ADGRL2: variants seen among roughly 807,000 people sequenced by gnomAD.
The protein encoded by ADGRL2 is adhesion G protein-coupled receptor L2.
ADGRL2 carries 44 observed loss-of-function variants against 157.4 expected under a neutral mutation model. The ratio of observed to expected loss-of-function variants is 0.28; its 90% CI spans 0.22 to 0.36. The LOEUF is 0.36. ADGRL2 is among the 10% of genes least tolerant of loss of function. The probability of loss-of-function intolerance (pLI) is 1.00; values close to 1 mark genes in which losing one functional copy is unlikely to be tolerated. For missense variants in ADGRL2, 1,510 were observed against 1,768.9 expected, an observed-to-expected ratio of 0.85 and a Z score of 2.63; for synonymous variants, 585 against 624.7, an observed-to-expected ratio of 0.94 and a Z score of 0.95.
chr1:81,319,181 A>C (rs1660325989), intron 1 of ADGRL2, among the ~76,000 whole-genome samples: 1 of 151,602 alleles, frequency 6.6e-6, no homozygotes, highest in Admixed American at 6.6e-5. Context: ...TCCCGACCTC[A>C]AGTGATCCAC....
chr1:81,416,863 C>G (rs1016674624), intron 1 of ADGRL2, among the ~76,000 whole-genome samples: 1 of 152,098 alleles, frequency 6.6e-6, no homozygotes. Flanking sequence ...TAAGAAGCAT[C>G]TTTGATTATG....
Position 81,981,029 on chromosome 1 carries a change from C to T in ADGRL2, c.3114-779C>T, listed in dbSNP as rs1479763625. ...TGCATTTTGACTTTCTTAATTTTGA[C>T]TAATTTATAAAATATATAAATGCTT... On this transcript the variant is annotated intron_variant, in intron 18 of 23. Transcript: ENST00000686636. The T allele has an allele frequency of 5.6e-5, 23 of 409,396 alleles. No homozygotes were observed. The East Asian group carries it at 8.8e-4, about 16-fold the overall frequency. The allele number at this position is 409,396 out of a possible 1,614,324, so 25.4% of individuals were successfully genotyped here.
At chr1:81,362,690 G>A (rs2076000074) in intron 1 of ADGRL2, among the ~76,000 whole-genome samples, 1 of 151,604 alleles carries the variant, frequency 6.6e-6, no homozygotes. Flanking sequence ...TTTTTTAACT[G>A]AAAAAAATGC....
chr1:81,497,340 T>C (rs910541377), intron 2 of ADGRL2, among the ~76,000 whole-genome samples: 1 of 152,158 alleles, frequency 6.6e-6, no homozygotes, highest in Non-Finnish European at 1.5e-5. Flanking sequence ...AACTTTTCAA[T>C]TTAGTGGACT....
chr1:81,797,172 A>C (rs1428878043), upstream of ADGRL2, among the ~76,000 whole-genome samples: 3 of 152,224 alleles, frequency 2.0e-5, no homozygotes, highest in Admixed American at 6.5e-5. Flanking sequence ...AATGATGAAG[A>C]AAATGGAACT....
intron 1 of ADGRL2, among the ~76,000 whole-genome samples, chr1:81,825,452 G>A (rs1339479171): frequency 6.6e-6 from 1 of 151,848 alleles, no homozygotes; most frequent in African/African-American, 2.4e-5. Flanking sequence ...AGGTTCAAGT[G>A]ATTCCCCTGC....
chr1:81,308,331 A>G (rs1448175908), intron 1 of ADGRL2, among the ~76,000 whole-genome samples: 2 of 152,148 alleles, frequency 1.3e-5, no homozygotes, highest in Non-Finnish European at 2.9e-5. Context: ...ATTACAGGGA[A>G]AGAAAAGGAT....
chr1:81,750,883 T>G (rs1285622198), intron 1 of ADGRL2, among the ~76,000 whole-genome samples: 3 of 152,176 alleles, frequency 2.0e-5, no homozygotes, highest in African/African-American at 7.2e-5. Flanking sequence ...TATGTGCATA[T>G]ATCTCCTTGG....
intron 1 of ADGRL2, among the ~76,000 whole-genome samples, chr1:81,442,697 A>T (rs1307920947): frequency 6.6e-6 from 1 of 152,212 alleles, no homozygotes; most frequent in Admixed American, 6.5e-5. Context: ...TTTGGACTGC[A>T]TCCAAGGACT....
intron 3 of ADGRL2, among the ~76,000 whole-genome samples, chr1:81,629,476 A>G (rs972724130): frequency 3.8e-4 from 58 of 152,178 alleles, no homozygotes; most frequent in African/African-American, 1.4e-3. Context: ...AAAAATGAAT[A>G]GAACAGATTA....
intron 2 of ADGRL2, among the ~76,000 whole-genome samples, chr1:81,453,286 A>T (rs1177366382): frequency 6.6e-6 from 1 of 152,216 alleles, no homozygotes; most frequent in African/African-American, 2.4e-5. Flanking sequence ...GCATAAACTA[A>T]TCATTGTTTC....
chr1:81,670,778 G>A (rs529619273), intron 3 of ADGRL2, among the ~76,000 whole-genome samples: 5 of 152,216 alleles, frequency 3.3e-5, no homozygotes, highest in African/African-American at 9.6e-5. Flanking sequence ...GCAATGGCAC[G>A]ATCTTGGGTC....
intron 3 of ADGRL2, among the ~76,000 whole-genome samples, chr1:81,589,276 T>C (rs1335811675): frequency 6.6e-6 from 1 of 152,140 alleles, no homozygotes; most frequent in Admixed American, 6.6e-5. Context: ...TTTATCCATA[T>C]GGTCCACAAA....
At chr1:81,597,277 A>G (rs2081254148) in intron 3 of ADGRL2, among the ~76,000 whole-genome samples, 1 of 152,164 alleles carries the variant, frequency 6.6e-6, no homozygotes, top group Non-Finnish European at 1.5e-5. Context: ...GTGACTTCCT[A>G]TCTTACATAT....
chr1:81,424,888 G>C (rs1041046072), intron 1 of ADGRL2, among the ~76,000 whole-genome samples: 49 of 152,288 alleles, frequency 3.2e-4, no homozygotes, highest in African/African-American at 1.2e-3. Context: ...GTTTCTTCGT[G>C]GGAGCAATTA....
intron 1 of ADGRL2, among the ~76,000 whole-genome samples, chr1:81,710,778 A>G (rs2083903147): frequency 6.6e-6 from 1 of 150,908 alleles, no homozygotes; most frequent in African/African-American, 2.4e-5. Context: ...ATGCAAAAAA[A>G]GGAAGAATAT....
chr1:81,348,398 C>T (rs1297032866), intron 1 of ADGRL2, among the ~76,000 whole-genome samples: 2 of 152,132 alleles, frequency 1.3e-5, no homozygotes, highest in African/African-American at 2.4e-5. Context: ...TGACAGTAGC[C>T]TTTCTCCTTC....
At chr1:81,499,933 A>G (rs2078809824) in intron 2 of ADGRL2, among the ~76,000 whole-genome samples, 1 of 149,782 alleles carries the variant, frequency 6.7e-6, no homozygotes, top group South Asian at 2.1e-4. Flanking sequence ...ATAAATATAT[A>G]TAATATAACT....
chr1:81,415,164 CAA>C (rs1320358545), intron 1 of ADGRL2, among the ~76,000 whole-genome samples: 1 of 152,012 alleles, frequency 6.6e-6, no homozygotes. Context: ...GCAGAAAAGA[CAA>C]GATTGACACT....
Sources: allele counts gnomAD v4.1 joint callset (sites outside exome capture counted in the v4.1 genomes callset), GRCh38; gene constraint gnomAD v4.1.1; transcripts MANE v1.5; gene names NCBI Gene and HGNC (gene_info 2026-07-23, HGNC 2026-07-21).